The following EVA1A variants were observed in gnomAD, a reference collection of about 807,000 sequenced individuals.
The protein encoded by EVA1A is protein eva-1 homolog A.
In EVA1A, 7 loss-of-function variants were observed where a neutral mutation model predicts 9.8. The ratio of observed to expected loss-of-function variants is 0.71; its 90% CI spans 0.41 to 1.34. EVA1A has a LOEUF of 1.34. Among genes scored for constraint, EVA1A ranks in the 40% most tolerant of loss-of-function variants. The pLI, the probability that EVA1A is intolerant of heterozygous loss-of-function variation, is 0.01. For missense variants in EVA1A, 206 were observed against 205.9 expected (o/e 1.00, Z 0.00); for synonymous variants, 90 against 85.6 (o/e 1.05, Z -0.28).
intron 1 of EVA1A, among the ~76,000 whole-genome samples, chr2:75,545,719 T>C (rs1676306470): frequency 6.6e-6 from 1 of 152,172 alleles, no homozygotes; most frequent in African/African-American, 2.4e-5. Context: ...CATTAATTAA[T>C]GAAGCTCCTA....
At chr2:75,521,764 A>G (rs1413280248) in intron 2 of EVA1A, among the ~76,000 whole-genome samples, 1 of 152,220 alleles carries the variant, frequency 6.6e-6, no homozygotes, top group East Asian at 1.9e-4. Flanking sequence ...GTTGCACAAT[A>G]ATGTAAATAT....
intron 1 of EVA1A, among the ~76,000 whole-genome samples, chr2:75,527,412 T>C (rs993045536): frequency 6.6e-6 from 1 of 152,068 alleles, no homozygotes; most frequent in African/African-American, 2.4e-5. Context: ...AATAACTAGA[T>C]CCTCCTCCCC....
upstream of EVA1A, among the ~76,000 whole-genome samples, chr2:75,563,492 G>A (rs1346171399): frequency 6.6e-6 from 1 of 152,210 alleles, no homozygotes; most frequent in African/African-American, 2.4e-5. Flanking sequence ...GTGTGTTCAT[G>A]TGTGTGTGTA....
At chr2:75,509,066 C>T (rs1436733934) in intron 3 of EVA1A, among the ~76,000 whole-genome samples, 1 of 152,132 alleles carries the variant, frequency 6.6e-6, no homozygotes, top group African/African-American at 2.4e-5. Context: ...TCCTGTTTCC[C>T]TAGCTGTGAT....
intron 1 of EVA1A, among the ~76,000 whole-genome samples, chr2:75,523,220 A>G (rs1675294666): frequency 6.6e-6 from 1 of 152,224 alleles, no homozygotes; most frequent in East Asian, 1.9e-4. Context: ...TTCTTCCCCA[A>G]AATGGATTGG....
intron 1 of EVA1A, among the ~76,000 whole-genome samples, chr2:75,549,317 C>T (rs1055300352): frequency 3.3e-5 from 5 of 152,294 alleles, no homozygotes; most frequent in Admixed American, 3.3e-4. Flanking sequence ...CTTCACCGAA[C>T]CACATTTGTG....
intron 1 of EVA1A, chr2:75,542,357 A>C (rs1179763811): frequency 6.6e-6 from 1 of 152,178 alleles, no homozygotes; most frequent in Non-Finnish European, 1.5e-5. Context: ...CAAAATTGCC[A>C]AAGGATCCAC....
intron 1 of EVA1A, among the ~76,000 whole-genome samples, chr2:75,550,759 G>T (rs1308361729): frequency 1.3e-5 from 2 of 152,214 alleles, no homozygotes; most frequent in Non-Finnish European, 2.9e-5. Context: ...TTAGAAATCT[G>T]TGTGGAAAAG....
chr2:75,496,843 T>C (rs773425055), intron 3 of EVA1A, among the ~76,000 whole-genome samples: 36 of 152,104 alleles, frequency 2.4e-4, no homozygotes, highest in Non-Finnish European at 3.5e-4. Context: ...AACCAACACA[T>C]AGACCAATGG....
intron 1 of EVA1A, among the ~76,000 whole-genome samples, chr2:75,566,685 A>G (rs1414357932): frequency 6.6e-6 from 1 of 152,238 alleles, no homozygotes; most frequent in Non-Finnish European, 1.5e-5. Flanking sequence ...CCTGGATCAA[A>G]CACTTTGTCT....
chr2:75,527,490 G>C (rs1490006505), intron 1 of EVA1A, among the ~76,000 whole-genome samples: 2 of 152,168 alleles, frequency 1.3e-5, no homozygotes, highest in Non-Finnish European at 2.9e-5. Flanking sequence ...GTGGTTACGA[G>C]CCCCACATCT....
At chr2:75,547,530 C>T (rs556998097) in intron 1 of EVA1A, among the ~76,000 whole-genome samples, 5 of 152,292 alleles carry the variant, frequency 3.3e-5, no homozygotes, top group African/African-American at 7.2e-5. Context: ...CCCAGATGTG[C>T]GCATGATTCT....
chr2:75,526,026 C>A (rs1456045852), intron 1 of EVA1A: 4 of 152,200 alleles, frequency 2.6e-5, no homozygotes, highest in Non-Finnish European at 5.9e-5. Context: ...ATTTATTAAG[C>A]CCCACCAGAA....
At chr2:75,551,929 C>G (rs896054398) in intron 1 of EVA1A, among the ~76,000 whole-genome samples, 1 of 152,152 alleles carries the variant, frequency 6.6e-6, no homozygotes, top group African/African-American at 2.4e-5. Flanking sequence ...GCCTGTAATT[C>G]TGGCACTTTG....
At chr2:75,565,898 ACAAAAG>A, upstream of EVA1A, among the ~76,000 whole-genome samples, 1 of 152,232 alleles carries the variant, frequency 6.6e-6, no homozygotes, top group South Asian at 2.1e-4. Context: ...ATTCATCTTA[ACAAAAG>A]TGAATTTGAA....
intron 1 of EVA1A, among the ~76,000 whole-genome samples, chr2:75,559,914 A>G (rs1432111760): frequency 6.6e-6 from 1 of 152,140 alleles, no homozygotes; most frequent in Non-Finnish European, 1.5e-5. Context: ...ATGAGAACTC[A>G]GGCAGTTAAT....
chr2:75,505,204 A>C (rs1376275769), intron 3 of EVA1A, among the ~76,000 whole-genome samples: 1 of 152,208 alleles, frequency 6.6e-6, no homozygotes, highest in East Asian at 1.9e-4. Context: ...CAACTTCAAA[A>C]TTCGAATGCT....
At chr2:75,494,321 G>A (rs1674131366) in intron 3 of EVA1A, among the ~76,000 whole-genome samples, 1 of 152,174 alleles carries the variant, frequency 6.6e-6, no homozygotes, top group Non-Finnish European at 1.5e-5. Flanking sequence ...TGCACGGACT[G>A]GGGTAAACAC....
intron 1 of EVA1A, among the ~76,000 whole-genome samples, chr2:75,555,207 G>C (rs1418917854): frequency 3.9e-5 from 6 of 152,022 alleles, no homozygotes; most frequent in Admixed American, 2.6e-4. Context: ...AAATGGGAAT[G>C]CAATTCCCAG....
Sources: allele counts gnomAD v4.1 joint callset (sites outside exome capture counted in the v4.1 genomes callset), GRCh38; gene constraint gnomAD v4.1.1; transcripts MANE v1.5; gene names NCBI Gene and HGNC (gene_info 2026-07-23, HGNC 2026-07-21).